The following AGBL4 variants were observed in gnomAD, a reference collection of about 807,000 sequenced individuals.
AGBL4 encodes the protein cytosolic carboxypeptidase 6.
AGBL4 carries 58 observed loss-of-function variants against 66.4 expected under a neutral mutation model. The ratio of observed to expected loss-of-function variants is 0.87; its 90% CI spans 0.71 to 1.09. The LOEUF (loss-of-function observed/expected upper bound fraction) is 1.09. Ranked by LOEUF, AGBL4 falls within the 50% of genes least tolerant of loss-of-function variation. The probability of loss-of-function intolerance (pLI) is 0.00; values close to 1 mark genes in which losing one functional copy is unlikely to be tolerated. For synonymous variants in AGBL4, 234 were observed against 222.9 expected (o/e 1.05, Z -0.44); for missense variants, 579 against 631.0 (o/e 0.92, Z 0.88).
In AGBL4 at chr1:48,666,360, C is replaced by T. The variant is rs369648263; in HGVS notation, c.635-3119G>A. On this transcript the variant is annotated intron_variant, in intron 6 of 13. Transcript: ENST00000371839. ...GTGGAACAGAATGCAAACAATGAGACCAAGAACAACTCATAAGAGATAGAA... is the reference window on the plus strand; with the variant it reads ...GTGGAACAGAATGCAAACAATGAGATCAAGAACAACTCATAAGAGATAGAA... 3.9e-5 allele frequency among the ~76,000 whole-genome samples: 6 copies of T among 151,998 alleles called. No homozygotes were observed. The East Asian group carries it at 7.7e-4, about 20-fold the overall frequency.
intron 3 of AGBL4, among the ~76,000 whole-genome samples, chr1:49,621,512 C>T (rs1372242602): frequency 2.6e-5 from 4 of 152,184 alleles, no homozygotes; most frequent in African/African-American, 7.2e-5. Flanking sequence ...CCACTATAAG[C>T]ATGCCAGGCC....
chr1:48,714,075 G>A (rs112868300), intron 6 of AGBL4, among the ~76,000 whole-genome samples: 41 of 152,230 alleles, frequency 2.7e-4, no homozygotes, highest in African/African-American at 9.6e-4. Flanking sequence ...AAAGAAGGTC[G>A]AAAGCTGGAT....
At chr1:48,563,308 G>A (rs922363385) in intron 11 of AGBL4, among the ~76,000 whole-genome samples, 4 of 152,174 alleles carry the variant, frequency 2.6e-5, no homozygotes, top group African/African-American at 9.6e-5. Flanking sequence ...GTAGGCCAAG[G>A]CAACCCATCT....
chr1:49,554,310 C>G (rs1653221576), intron 3 of AGBL4, among the ~76,000 whole-genome samples: 1 of 152,138 alleles, frequency 6.6e-6, no homozygotes, highest in African/African-American at 2.4e-5. Flanking sequence ...ATTTATCTCT[C>G]CAGGACAAGC....
intron 2 of AGBL4, among the ~76,000 whole-genome samples, chr1:49,848,326 C>A (rs1465388162): frequency 1.3e-5 from 2 of 151,948 alleles, no homozygotes; most frequent in Non-Finnish European, 2.9e-5. Flanking sequence ...TGGGTATCTG[C>A]TCAAAGAAAA....
At chr1:49,328,801 T>A (rs1645273842) in intron 3 of AGBL4, among the ~76,000 whole-genome samples, 1 of 152,234 alleles carries the variant, frequency 6.6e-6, no homozygotes, top group South Asian at 2.1e-4. Context: ...ACTCCTGTTA[T>A]CCCATCTCAA....
At chr1:49,445,957 T>C (rs991743805) in intron 3 of AGBL4, among the ~76,000 whole-genome samples, 3 of 152,280 alleles carry the variant, frequency 2.0e-5, no homozygotes, top group African/African-American at 7.2e-5. Context: ...GTTCAAGTGA[T>C]TCTCCTGCCT....
intron 2 of AGBL4, among the ~76,000 whole-genome samples, chr1:49,759,909 T>C (rs1490619454): frequency 6.6e-6 from 1 of 152,092 alleles, no homozygotes; most frequent in Non-Finnish European, 1.5e-5. Flanking sequence ...GCTAGATAAA[T>C]CCATAATGAC....
intron 3 of AGBL4, among the ~76,000 whole-genome samples, chr1:49,270,162 A>G (rs1423383934): frequency 6.6e-6 from 1 of 152,166 alleles, no homozygotes; most frequent in African/African-American, 2.4e-5. Context: ...GCTTTCTGGC[A>G]TGAATATTCA....
intron 1 of AGBL4, among the ~76,000 whole-genome samples, chr1:49,956,142 A>C (rs1176927791): frequency 2.0e-5 from 3 of 151,878 alleles, no homozygotes; most frequent in Non-Finnish European, 4.4e-5. Flanking sequence ...AAATATGTTT[A>C]TTTTATATGT....
Position 48,894,554 on chromosome 1 carries a change from A to C in AGBL4, c.595-27324T>G, listed in dbSNP as rs528699430. ...ATAAAATACAATAAGCCATTATATA[A>C]GCACTCTCCTCCAGGGTCACTTGTC... On this transcript the variant is annotated intron_variant, in intron 5 of 13. Coordinates refer to ENST00000371839, the MANE Select transcript of AGBL4 (RefSeq NM_032785.4). Among the ~76,000 whole-genome samples the C allele has an allele frequency of 2.0e-5, 3 of 152,316 alleles. No homozygotes were observed. In the East Asian group the frequency reaches 5.8e-4, roughly 29 times the overall value.
At chr1:49,344,836 G>T (rs754511563) in intron 3 of AGBL4, among the ~76,000 whole-genome samples, 1 of 152,088 alleles carries the variant, frequency 6.6e-6, no homozygotes, top group Non-Finnish European at 1.5e-5. Context: ...AAAGATTTTT[G>T]TTTGCCTTTT....
intron 2 of AGBL4, among the ~76,000 whole-genome samples, chr1:49,733,850 C>T (rs1276201053): frequency 6.6e-6 from 1 of 152,012 alleles, no homozygotes; most frequent in Admixed American, 6.6e-5. Context: ...AACTAATATG[C>T]CTCATAATAA....
At chr1:48,836,295 C>CAAAA (rs33961883) in intron 6 of AGBL4, among the ~76,000 whole-genome samples, 4 of 100,646 alleles carry the variant, frequency 4.0e-5, no homozygotes, top group South Asian at 3.1e-4. Context: ...TAAGTTTCCT[C>CAAAA]AAAAAAAAAA....
At chr1:48,562,626 G>A (rs1346469303) in intron 11 of AGBL4, among the ~76,000 whole-genome samples, 1 of 152,200 alleles carries the variant, frequency 6.6e-6, no homozygotes, top group Non-Finnish European at 1.5e-5. Context: ...ATTATTTGTA[G>A]TGGGATAATA....
intron 5 of AGBL4, among the ~76,000 whole-genome samples, chr1:49,014,010 G>A (rs867819839): frequency 1.3e-5 from 2 of 152,168 alleles, no homozygotes; most frequent in African/African-American, 4.8e-5. Context: ...ACAATACTGT[G>A]TTTTCTAACA....
intron 2 of AGBL4, among the ~76,000 whole-genome samples, chr1:49,831,922 A>G (rs1300030775): frequency 1.3e-5 from 2 of 151,698 alleles, no homozygotes; most frequent in African/African-American, 4.8e-5. Flanking sequence ...ATTAATTTGC[A>G]TATGTTGAAC....
intron 3 of AGBL4, among the ~76,000 whole-genome samples, chr1:49,513,814 G>A (rs185188655): frequency 7.2e-5 from 11 of 152,034 alleles, no homozygotes; most frequent in African/African-American, 2.6e-4. Flanking sequence ...CTGCTTGACT[G>A]ACAAATTAAT....
chr1:49,563,823 T>A (rs185469747), intron 3 of AGBL4, among the ~76,000 whole-genome samples: 1 of 151,148 alleles, frequency 6.6e-6, no homozygotes, highest in Non-Finnish European at 1.5e-5. Context: ...GCTGGCCTCA[T>A]AAAATGAGTT....
Sources: gnomAD v4.1 joint callset for allele counts (sites outside exome capture counted in the v4.1 genomes callset) on GRCh38, gnomAD v4.1.1 for gene constraint, MANE v1.5 for transcripts, NCBI Gene and HGNC (gene_info 2026-07-23, HGNC 2026-07-21) for gene names.